UBE2W: variants seen among roughly 807,000 people sequenced by gnomAD.
UBE2W encodes the protein ubiquitin conjugating enzyme E2 W.
A neutral mutation model predicts 27.2 loss-of-function variants in UBE2W; 18 were observed. The ratio of observed to expected loss-of-function variants is 0.66; its 90% CI spans 0.46 to 0.98. The LOEUF is 0.98. Among genes scored for constraint, UBE2W ranks in the 50% least tolerant of loss-of-function variants. The pLI is 0.00. For missense variants in UBE2W, 90 were observed against 180.2 expected (o/e 0.50, Z 2.87); for synonymous variants, 53 against 57.2 (o/e 0.93, Z 0.33).
At chr8:73,809,661 C>T (rs978098743) in intron 4 of UBE2W, among the ~76,000 whole-genome samples, 1 of 152,134 alleles carries the variant, frequency 6.6e-6, no homozygotes, top group Non-Finnish European at 1.5e-5. Flanking sequence ...TCTTGGCTCA[C>T]TGCAACCTCC....
At chr8:73,847,658 T>G (rs1810872094) in intron 1 of UBE2W, among the ~76,000 whole-genome samples, 1 of 152,162 alleles carries the variant, frequency 6.6e-6, no homozygotes, top group African/African-American at 2.4e-5. Flanking sequence ...TCCCAGCACT[T>G]TGGGAGGCCA....
At chr8:73,803,353 G>C (rs760994509) in intron 5 of UBE2W, among the ~76,000 whole-genome samples, 1 of 152,110 alleles carries the variant, frequency 6.6e-6, no homozygotes, top group Non-Finnish European at 1.5e-5. Context: ...CCTTATCACT[G>C]ATTTGTAATG....
In UBE2W at chr8:73,789,131, G is replaced by A; in HGVS notation, c.*4971C>T. The A allele has an allele frequency of 1.0e-6, 1 of 984,750 alleles. No homozygotes were observed. Among genetic ancestry groups the A allele is most frequent in the Non-Finnish European group, 1.2e-6 (1 of 829,796 alleles). The allele number at this position is 984,750 out of a possible 1,614,324, so 61.0% of individuals were successfully genotyped here. On this transcript the variant is annotated 3_prime_UTR_variant, in exon 6 of 6. Coordinates refer to ENST00000602593, the MANE Select transcript of UBE2W (RefSeq NM_018299.6). ...GAGCTAAGTTTCAAGTACATGTCTA[G>A]ATTCTATGTGCCTCTAATGATAATG...
chr8:73,782,487 A>G (rs1012684738), downstream of UBE2W, among the ~76,000 whole-genome samples: 1 of 152,280 alleles, frequency 6.6e-6, no homozygotes, highest in South Asian at 2.1e-4. Context: ...CTAAAATTTT[A>G]TGTAAATAAA....
At chr8:73,830,625 T>G (rs1810029711) in intron 1 of UBE2W, among the ~76,000 whole-genome samples, 153 bp from the exon 2 acceptor site, 1 of 152,020 alleles carries the variant, frequency 6.6e-6, no homozygotes, top group Non-Finnish European at 1.5e-5. Context: ...AGCTTGAGAC[T>G]ACAGGCACAC....
chr8:73,790,385 A>G lies in UBE2W; in HGVS notation c.*3717T>C. On this transcript the variant is annotated 3_prime_UTR_variant, in exon 6 of 6. Transcript: ENST00000602593. ...TTCTTCACAGACCTCAATCATGCAC[A>G]GGCAGTAACGGCATTACTATAACAC... 4.1e-6 allele frequency: 4 copies of G among 985,468 alleles called. No homozygotes were observed. Among genetic ancestry groups the G allele is most frequent in the Non-Finnish European group, 4.8e-6 (4 of 829,948 alleles). 61.0% of individuals were successfully genotyped at this position (985,468 alleles called of 1,614,324 possible). A position where few individuals can be genotyped will look rare whatever the true frequency, so the allele number is the denominator to read the frequency against.
intron 1 of UBE2W, chr8:73,870,438 G>A: frequency 1.3e-6 from 1 of 741,494 alleles, no homozygotes; most frequent in Non-Finnish European, 2.1e-6. Flanking sequence ...GCTTAAAATG[G>A]GAAACATAGC....
chr8:73,861,800 A>G (rs1160538406), intron 1 of UBE2W, among the ~76,000 whole-genome samples: 1 of 152,160 alleles, frequency 6.6e-6, no homozygotes, highest in Non-Finnish European at 1.5e-5. Flanking sequence ...TGCTCCACAA[A>G]AAGCTCTCAT....
intron 3 of UBE2W, among the ~76,000 whole-genome samples, chr8:73,816,577 A>C (rs1809396558): frequency 1.3e-5 from 2 of 152,240 alleles, no homozygotes; most frequent in Admixed American, 6.5e-5. Context: ...CTTTTGCCTC[A>C]GTACTTTTAA....
At chr8:73,816,738 G>C (rs1477589507) in intron 3 of UBE2W, among the ~76,000 whole-genome samples, 1 of 152,026 alleles carries the variant, frequency 6.6e-6, no homozygotes, top group East Asian at 1.9e-4. Context: ...TTAGCTAAAA[G>C]TCTCTAAAAC....
downstream of UBE2W, among the ~76,000 whole-genome samples, chr8:73,783,322 A>C (rs542391842): frequency 1.3e-5 from 2 of 152,132 alleles, no homozygotes; most frequent in Admixed American, 1.3e-4. Context: ...TCCTTTTTGA[A>C]GTTTTATTGT....
Position 73,806,252 on chromosome 8 carries a change from G to A in UBE2W, c.367-526C>T, listed in dbSNP as rs750457455. Among the ~76,000 whole-genome samples the A allele has an allele frequency of 2.6e-4, 39 of 152,174 alleles. 1 individual carries two copies. Among genetic ancestry groups the A allele is most frequent in the Middle Eastern group, 6.8e-3 (2 of 294 alleles). The stretch of plus-strand genomic sequence containing the variant: ...CATAATAATTTAAACATAGCCGGGC[G>A]CAGTGGTGGGCATCTGTAATCTCAG... On this transcript the variant is annotated intron_variant, in intron 4 of 5. Coordinates refer to ENST00000602593, the MANE Select transcript of UBE2W (RefSeq NM_018299.6).
At chr8:73,841,597 G>T (rs1397183027) in intron 1 of UBE2W, among the ~76,000 whole-genome samples, 2 of 152,176 alleles carry the variant, frequency 1.3e-5, no homozygotes, top group Non-Finnish European at 2.9e-5. Context: ...GGTAAGAGGA[G>T]AAAAACCAGG....
chr8:73,780,137 G>A (rs1382686048), exon 5 of UBE2W: 2 of 156,164 alleles, frequency 1.3e-5, no homozygotes, highest in Non-Finnish European at 2.8e-5. Context: ...CACAGTTCTG[G>A]AGGCTGGAAG....
At chr8:73,877,816 C>T (rs1246444741) in intron 1 of UBE2W, among the ~76,000 whole-genome samples, 2 of 151,732 alleles carry the variant, frequency 1.3e-5, no homozygotes, top group Non-Finnish European at 2.9e-5. Flanking sequence ...TGCACAACTA[C>T]AATTGTGGTT....
At chr8:73,840,720 G>A (rs1234631441) in intron 1 of UBE2W, among the ~76,000 whole-genome samples, 1 of 152,096 alleles carries the variant, frequency 6.6e-6, no homozygotes, top group Non-Finnish European at 1.5e-5. Context: ...GGCTGAACCC[G>A]CATACAGGTA....
chr8:73,801,456 A>G (rs1462994382), intron 5 of UBE2W, among the ~76,000 whole-genome samples: 1 of 152,240 alleles, frequency 6.6e-6, no homozygotes, highest in African/African-American at 2.4e-5. Flanking sequence ...CTGAAGTTGC[A>G]TGAAAAACCT....
chr8:73,781,248 C>G (rs918141301), downstream of UBE2W, among the ~76,000 whole-genome samples: 2 of 140,810 alleles, frequency 1.4e-5, no homozygotes, highest in East Asian at 2.0e-4. Context: ...CCAGCCTGTG[C>G]GACACAATGA....
At chr8:73,845,087 G>C (rs1319625843) in intron 1 of UBE2W, among the ~76,000 whole-genome samples, 67 of 151,644 alleles carry the variant, frequency 4.4e-4, no homozygotes, top group Non-Finnish European at 9.3e-4. Context: ...GCACCATCTG[G>C]GAGGTGGGGG....
Sources: allele counts gnomAD v4.1 joint callset (sites outside exome capture counted in the v4.1 genomes callset), GRCh38; gene constraint gnomAD v4.1.1; transcripts MANE v1.5; gene names NCBI Gene and HGNC (gene_info 2026-07-23, HGNC 2026-07-21).